The following HSD17B4 variants were observed in gnomAD, a reference collection of about 807,000 sequenced individuals.
The protein encoded by HSD17B4 is hydroxysteroid 17-beta dehydrogenase 4, also known as peroxisomal multifunctional enzyme type 2.
HSD17B4 carries 70 observed loss-of-function variants against 101.0 expected under a neutral mutation model. That is an observed-to-expected ratio of 0.69 (90% CI 0.57 to 0.85). The LOEUF (loss-of-function observed/expected upper bound fraction) is 0.85, where lower values mean the gene tolerates loss of function less well. Ranked by LOEUF, HSD17B4 falls within the 40% of genes least tolerant of loss-of-function variation. The pLI, the probability that HSD17B4 is intolerant of heterozygous loss-of-function variation, is 0.00. For missense variants in HSD17B4, 984 were observed against 892.4 expected, an observed-to-expected ratio of 1.10 and a Z score of -1.31; for synonymous variants, 347 against 297.1, an observed-to-expected ratio of 1.17 and a Z score of -1.73.
chr5:119,513,754 G>GA (rs1050516753), intron 16 of HSD17B4, among the ~76,000 whole-genome samples: 5 of 152,072 alleles, frequency 3.3e-5, no homozygotes, highest in Non-Finnish European at 5.9e-5. Flanking sequence ...GTTGCTTTGA[G>GA]AAAAAAATCA....
At chr5:119,495,865 T>A (rs775188156) in intron 11 of HSD17B4, 118 of 153,684 alleles carry the variant, frequency 7.7e-4, no homozygotes, top group Non-Finnish European at 1.1e-3. Context: ...AAATTAAAAA[T>A]TTTTGGTTAT....
intron 16 of HSD17B4, among the ~76,000 whole-genome samples, chr5:119,514,444 C>T (rs1439903565): frequency 1.3e-5 from 2 of 152,128 alleles, no homozygotes; most frequent in Admixed American, 1.3e-4. Context: ...TTTAAATCAA[C>T]CCTAAACTGG....
intron 1 of HSD17B4, among the ~76,000 whole-genome samples, chr5:119,453,542 G>T (rs1476043964): frequency 4.6e-5 from 7 of 152,204 alleles, no homozygotes. Flanking sequence ...TTGACATTAT[G>T]CACCTTTGAT....
intron 8 of HSD17B4, among the ~76,000 whole-genome samples, chr5:119,482,316 G>C (rs527627625): frequency 6.6e-5 from 10 of 151,538 alleles, no homozygotes; most frequent in Admixed American, 3.9e-4. Flanking sequence ...ATTTTTTTTA[G>C]AGTTTTATCT....
intron 12 of HSD17B4, 141 bp downstream of exon 12, chr5:119,496,787 G>T (rs1258632843): frequency 1.3e-6 from 1 of 750,246 alleles, no homozygotes; most frequent in African/African-American, 1.7e-5. Flanking sequence ...ATAATGGAGA[G>T]AAGCAGTGGC....
Position 119,500,991 on chromosome 5 carries a change from C to A in HSD17B4, c.1210-1050C>A, listed in dbSNP as rs1448573960. On this transcript the variant is annotated intron_variant, in intron 13 of 23. Transcript: ENST00000510025. ...CTTATTTACTGGTGGATCAGTTAGC[C>A]CATTGCTGCTCTGAGTTGATGGCCA... Among the ~76,000 whole-genome samples, 3 of 151,990 alleles carry A rather than the reference C, an allele frequency of 2.0e-5. No homozygotes were observed. In the South Asian group the frequency reaches 6.2e-4, roughly 31 times the overall value.
intron 2 of HSD17B4, among the ~76,000 whole-genome samples, chr5:119,467,809 C>G (rs1052023245): frequency 5.9e-5 from 9 of 152,142 alleles, no homozygotes; most frequent in Non-Finnish European, 1.0e-4. Flanking sequence ...GTGGAGTGTC[C>G]TGGAACAAAT....
chr5:119,492,004 T>C, intron 9 of HSD17B4, 96 bp from the exon 10 acceptor site: 1 of 907,820 alleles, frequency 1.1e-6, no homozygotes, highest in East Asian at 2.4e-5. Flanking sequence ...TGAATTCTAA[T>C]ACTGCTAGTA....
chr5:119,496,261 A>C (rs1375558094), intron 11 of HSD17B4, among the ~76,000 whole-genome samples: 1 of 152,206 alleles, frequency 6.6e-6, no homozygotes, highest in Admixed American at 6.5e-5. Context: ...GCTTAAAGAC[A>C]TTGGAAAGCC....
rs573065031 is a variant in HSD17B4, at chr5:119,516,205, A to G, written c.1503+1159A>G. Among the ~76,000 whole-genome samples, 389 of 152,266 alleles carry G rather than the reference A, an allele frequency of 2.6e-3. 1 individual carries two copies. Among genetic ancestry groups the G allele is most frequent in the African/African-American group, 9.1e-3 (378 of 41,542 alleles). The stretch of plus-strand genomic sequence containing the variant: ...TTGCTTTTAAATATTTTTTCCATCC[A>G]TTACTGTTTCTTATGAATTTCTTAA... On this transcript the variant is annotated intron_variant, in intron 17 of 23. Transcript: ENST00000510025.
chr5:119,526,998 T>C (rs1356145669), intron 19 of HSD17B4, 135 bp from the exon 20 acceptor site: 1 of 644,008 alleles, frequency 1.6e-6, no homozygotes, highest in African/African-American at 1.8e-5. Context: ...CTTAGGTCTT[T>C]TATGAATTTA....
At chr5:119,524,452 A>T (rs1175186184) in intron 17 of HSD17B4, among the ~76,000 whole-genome samples, 1 of 152,160 alleles carries the variant, frequency 6.6e-6, no homozygotes, top group African/African-American at 2.4e-5. Context: ...AGAAGTCTTG[A>T]GGCTGACCTA....
At chr5:119,493,170 T>A (rs1750275182) in intron 10 of HSD17B4, 1 of 152,384 alleles carries the variant, frequency 6.6e-6, no homozygotes, top group Non-Finnish European at 1.5e-5. Context: ...CATCAGTGTC[T>A]GACTATTATG....
chr5:119,522,608 TTCTC>T (rs1471090942), intron 17 of HSD17B4, among the ~76,000 whole-genome samples: 2 of 152,272 alleles, frequency 1.3e-5, no homozygotes, highest in Middle Eastern at 3.4e-3. Flanking sequence ...AAATTGCCCT[TTCTC>T]TCTGTGTAGC....
chr5:119,528,722 A>G (rs1265912300), intron 20 of HSD17B4, among the ~76,000 whole-genome samples: 1 of 152,184 alleles, frequency 6.6e-6, no homozygotes, highest in East Asian at 1.9e-4. Flanking sequence ...ATTTCTATGG[A>G]TACAAACTTG....
intron 2 of HSD17B4, among the ~76,000 whole-genome samples, chr5:119,466,589 T>G (rs761202590): frequency 7.2e-5 from 11 of 152,100 alleles, no homozygotes; most frequent in Non-Finnish European, 1.0e-4. Context: ...GGCGTAGAGT[T>G]GTTGTAGTAG....
intron 4 of HSD17B4, 142 bp downstream of exon 4, chr5:119,474,602 G>A (rs1295918115): frequency 2.9e-6 from 2 of 690,540 alleles, no homozygotes; most frequent in South Asian, 1.6e-5. Context: ...GTTAATTATT[G>A]TACTTATTTC....
chr5:119,466,673 T>G (rs1013797606), intron 2 of HSD17B4, among the ~76,000 whole-genome samples: 1 of 152,112 alleles, frequency 6.6e-6, no homozygotes, highest in Non-Finnish European at 1.5e-5. Context: ...TTATTTGTGT[T>G]TTCTCTTTTT....
intron 16 of HSD17B4, among the ~76,000 whole-genome samples, chr5:119,509,663 A>G (rs1439423982): frequency 2.0e-5 from 3 of 152,110 alleles, no homozygotes; most frequent in Admixed American, 6.5e-5. Flanking sequence ...TCCAGATTCC[A>G]TTATGTCCCC....
Sources: gnomAD v4.1 joint callset for allele counts (sites outside exome capture counted in the v4.1 genomes callset) on GRCh38, gnomAD v4.1.1 for gene constraint, MANE v1.5 for transcripts, NCBI Gene and HGNC (gene_info 2026-07-23, HGNC 2026-07-21) for gene names.